Variants in ACYP2 observed in about 807,000 individuals in gnomAD.
ACYP2 encodes the protein acylphosphatase-2.
Under a neutral mutation model 11.2 loss-of-function variants are expected in ACYP2, and 12 were observed. The ratio of observed to expected loss-of-function variants is 1.08; its 90% CI spans 0.69 to 1.74. The LOEUF (loss-of-function observed/expected upper bound fraction) is 1.74, where lower values mean the gene tolerates loss of function less well. Ranked by LOEUF, ACYP2 falls within the 40% of genes most tolerant of loss-of-function variation. ACYP2 has a pLI of 0.00. For synonymous variants in ACYP2, 43 were observed against 32.2 expected, an observed-to-expected ratio of 1.33 and a Z score of -1.13; for missense variants, 134 against 101.9, an observed-to-expected ratio of 1.31 and a Z score of -1.35.
At chr2:54,014,522 C>T (rs776950367) in intron 2 of ACYP2, among the ~76,000 whole-genome samples, 1 of 151,784 alleles carries the variant, frequency 6.6e-6, no homozygotes, top group Non-Finnish European at 1.5e-5. Flanking sequence ...GGTTTCACCA[C>T]GTTGGCCAGG....
At chr2:54,127,800 A>C (rs1680634448) in intron 4 of ACYP2, among the ~76,000 whole-genome samples, 1 of 151,990 alleles carries the variant, frequency 6.6e-6, no homozygotes, top group African/African-American at 2.4e-5. Flanking sequence ...CCTGGAAGGA[A>C]AGCCAATGCA....
At chr2:54,255,359 T>C (rs775587517) in intron 6 of ACYP2, 3 of 1,614,182 alleles carry the variant, frequency 1.9e-6, no homozygotes, top group South Asian at 2.2e-5. Context: ...CCTCTAATCA[T>C]GGCAGACAGC....
At chr2:54,097,197 C>T (rs1200438065) in intron 4 of ACYP2, among the ~76,000 whole-genome samples, 6 of 152,212 alleles carry the variant, frequency 3.9e-5, no homozygotes, top group African/African-American at 1.2e-4. Context: ...GCTCTGGCCC[C>T]ACTCCTGGTC....
intron 2 of ACYP2, among the ~76,000 whole-genome samples, chr2:53,993,283 G>C (rs1672394936): frequency 1.3e-5 from 2 of 152,098 alleles, no homozygotes; most frequent in Non-Finnish European, 1.5e-5. Flanking sequence ...TTATTAGAAA[G>C]AGAGAGATGA....
At chr2:54,260,375 T>G (rs1033482184) in intron 6 of ACYP2, among the ~76,000 whole-genome samples, 2 of 152,146 alleles carry the variant, frequency 1.3e-5, no homozygotes, top group East Asian at 3.8e-4. Context: ...TAAAGTATTG[T>G]CAGACAATGT....
chr2:54,113,403 C>G (rs1572780539), intron 4 of ACYP2, among the ~76,000 whole-genome samples: 1 of 152,016 alleles, frequency 6.6e-6, no homozygotes, highest in Non-Finnish European at 1.5e-5. Context: ...CCACCACAGC[C>G]AGGTAATTTT....
intron 2 of ACYP2, among the ~76,000 whole-genome samples, chr2:54,005,220 G>A (rs1020590040): frequency 1.3e-5 from 2 of 152,084 alleles, no homozygotes; most frequent in African/African-American, 2.4e-5. Flanking sequence ...CTAGATTTGT[G>A]TGTGCATGTA....
chr2:54,114,240 C>T (rs1341840859), intron 4 of ACYP2, among the ~76,000 whole-genome samples: 1 of 152,106 alleles, frequency 6.6e-6, no homozygotes, highest in Non-Finnish European at 1.5e-5. Flanking sequence ...TAGAAGGTGG[C>T]AGATTATCAA....
At chr2:54,071,000 C>T (rs1257835911) in intron 4 of ACYP2, among the ~76,000 whole-genome samples, 1 of 152,064 alleles carries the variant, frequency 6.6e-6, no homozygotes, top group Non-Finnish European at 1.5e-5. Context: ...AGTCTGCCTG[C>T]CTTGGCCTCC....
At chr2:54,043,710 A>G (rs1319040862) in intron 2 of ACYP2, among the ~76,000 whole-genome samples, 3 of 152,180 alleles carry the variant, frequency 2.0e-5, no homozygotes, top group African/African-American at 4.8e-5. Context: ...ATGGAGAACT[A>G]CCATGCTGGT....
At chr2:54,060,410 ATCT>A (rs1461649177) in intron 4 of ACYP2, among the ~76,000 whole-genome samples, 2 of 152,136 alleles carry the variant, frequency 1.3e-5, no homozygotes, top group East Asian at 1.9e-4. Context: ...AAAAATAATC[ATCT>A]TCTTTTATGG....
chr2:54,004,080 T>A (rs561083134), intron 2 of ACYP2, among the ~76,000 whole-genome samples: 1 of 152,226 alleles, frequency 6.6e-6, no homozygotes, highest in East Asian at 1.9e-4. Context: ...GCCTCCCAGG[T>A]TGAAACGATT....
chr2:54,132,084 T>C (rs1680931344), intron 4 of ACYP2, among the ~76,000 whole-genome samples: 1 of 152,238 alleles, frequency 6.6e-6, no homozygotes, highest in Non-Finnish European at 1.5e-5. Flanking sequence ...GAGGGGAATA[T>C]ACACAATACA....
intron 6 of ACYP2, among the ~76,000 whole-genome samples, chr2:54,276,184 C>A: frequency 7.8e-6 from 1 of 128,514 alleles, no homozygotes; most frequent in East Asian, 2.0e-4. Context: ...TCATCCATGT[C>A]TTTACAGAAA....
rs1219283420 is a variant in ACYP2, at chr2:54,256,147, C to T, written c.405-48541C>T. The T allele has an allele frequency of 3.1e-6, 5 of 1,610,546 alleles. No individual in the cohort carries two copies. In the East Asian group the frequency reaches 6.7e-5, roughly 22 times the overall value. Reference sequence around the variant, plus strand: ...GGGGCTGTGAGGACTCTCCGGGAGGCTCATGTTGGTAGCGGCCAGGGCAGC... The same window carrying T: ...GGGGCTGTGAGGACTCTCCGGGAGGTTCATGTTGGTAGCGGCCAGGGCAGC... On this transcript the variant is annotated intron_variant, in intron 6 of 6. Coordinates refer to ENST00000607452, the MANE Select transcript of ACYP2 (RefSeq NM_001320586.2).
At chr2:54,171,286 TAAAG>T (rs1041769874) in intron 6 of ACYP2, among the ~76,000 whole-genome samples, 1 of 151,998 alleles carries the variant, frequency 6.6e-6, no homozygotes, top group African/African-American at 2.4e-5. Flanking sequence ...GCTTCAAACA[TAAAG>T]AAATACAGTC....
intron 6 of ACYP2, among the ~76,000 whole-genome samples, chr2:54,158,872 A>G (rs1192759945): frequency 6.6e-6 from 1 of 152,196 alleles, no homozygotes; most frequent in Non-Finnish European, 1.5e-5. Flanking sequence ...AATCACCCAT[A>G]AACCTACCGT....
chr2:54,115,556 G>A, intron 4 of ACYP2, 59 bp from the exon 1 acceptor site: 5 of 1,523,038 alleles, frequency 3.3e-6, no homozygotes, highest in South Asian at 1.2e-5. Context: ...TCCGACGCGT[G>A]ACCCCGGCGC....
chr2:54,073,783 G>T (rs1360314418), intron 4 of ACYP2, among the ~76,000 whole-genome samples: 3 of 152,200 alleles, frequency 2.0e-5, no homozygotes, highest in Admixed American at 6.5e-5. Context: ...AAAGTTGCTT[G>T]ATGTCTGATG....
Sources: gnomAD v4.1 joint callset for allele counts (sites outside exome capture counted in the v4.1 genomes callset) on GRCh38, gnomAD v4.1.1 for gene constraint, MANE v1.5 for transcripts, NCBI Gene and HGNC (gene_info 2026-07-23, HGNC 2026-07-21) for gene names.